PDGFD: variants seen among roughly 807,000 people sequenced by gnomAD.
PDGFD encodes platelet derived growth factor D.
Under a neutral mutation model 44.7 loss-of-function variants are expected in PDGFD, and 30 were observed. The observed-to-expected ratio is 0.67, with a 90% confidence interval of 0.50 to 0.91. The LOEUF is 0.91. Ranked by LOEUF, PDGFD falls within the 40% of genes least tolerant of loss-of-function variation. PDGFD has a pLI of 0.00. For synonymous variants in PDGFD, 173 were observed against 168.4 expected (o/e 1.03, Z -0.21); for missense variants, 445 against 457.8 (o/e 0.97, Z 0.25).
At chr11:104,128,042 G>A (rs1861863849) in intron 1 of PDGFD, among the ~76,000 whole-genome samples, 1 of 152,096 alleles carries the variant, frequency 6.6e-6, no homozygotes, top group Non-Finnish European at 1.5e-5. Flanking sequence ...TAATCCAGAA[G>A]AATTAGCACA....
chr11:104,014,904 T>C (rs1284309236), intron 1 of PDGFD, among the ~76,000 whole-genome samples: 2 of 152,210 alleles, frequency 1.3e-5, no homozygotes, highest in African/African-American at 4.8e-5. Flanking sequence ...TCTATCAGCA[T>C]TTATTGAGAT....
chr11:104,116,061 T>C (rs538487218), intron 1 of PDGFD, among the ~76,000 whole-genome samples: 3 of 152,148 alleles, frequency 2.0e-5, no homozygotes, highest in Non-Finnish European at 4.4e-5. Flanking sequence ...CTTATCTTTG[T>C]TTTTATTGCA....
intron 5 of PDGFD, among the ~76,000 whole-genome samples, chr11:103,929,227 C>G (rs942761085): frequency 2.0e-5 from 3 of 152,098 alleles, no homozygotes; most frequent in Admixed American, 1.3e-4. Flanking sequence ...GAAGCCTTTC[C>G]CCCTTTTGCT....
chr11:104,119,390 A>ATAT (rs568608985), intron 1 of PDGFD, among the ~76,000 whole-genome samples: 109 of 1,372 alleles, frequency 0.079, 41 homozygotes, highest in East Asian at 0.29. Context: ...AATATATAAT[A>ATAT]TGATATAATA....
At chr11:103,932,407 G>A (rs184544074) in intron 5 of PDGFD, among the ~76,000 whole-genome samples, 109 of 152,272 alleles carry the variant, frequency 7.2e-4, no homozygotes, top group African/African-American at 2.6e-3. Flanking sequence ...TAGCTACGAA[G>A]TTCAGTAGGC....
At chr11:104,012,046 A>G (rs1165876750) in intron 1 of PDGFD, among the ~76,000 whole-genome samples, 1 of 152,184 alleles carries the variant, frequency 6.6e-6, no homozygotes, top group East Asian at 1.9e-4. Context: ...CCTATGAAAG[A>G]TTAATGCAAA....
At chr11:103,958,149 A>G (rs1458154482) in intron 3 of PDGFD, among the ~76,000 whole-genome samples, 2 of 152,148 alleles carry the variant, frequency 1.3e-5, no homozygotes, top group Non-Finnish European at 1.5e-5. Flanking sequence ...CTTTCCATAA[A>G]TTATCTCATT....
At chr11:104,077,227 G>C (rs1318145569) in intron 1 of PDGFD, among the ~76,000 whole-genome samples, 1 of 148,476 alleles carries the variant, frequency 6.7e-6, no homozygotes, top group Non-Finnish European at 1.5e-5. Flanking sequence ...ATGTGAAAAA[G>C]CACTCACAAT....
intron 1 of PDGFD, chr11:104,037,276 T>C: frequency 6.2e-7 from 1 of 1,613,402 alleles, no homozygotes. Flanking sequence ...CATGCTGCTC[T>C]CCAACCCCCA....
intron 1 of PDGFD, chr11:104,037,192 C>G (rs865913257): frequency 1.2e-6 from 2 of 1,613,472 alleles, no homozygotes; most frequent in Non-Finnish European, 8.5e-7. Flanking sequence ...CGCTGCCCAG[C>G]GGTCACAGGG....
chr11:104,014,460 C>T (rs759875667), intron 1 of PDGFD, among the ~76,000 whole-genome samples: 75 of 152,318 alleles, frequency 4.9e-4, no homozygotes, highest in Non-Finnish European at 8.5e-4. Context: ...TACACCACTG[C>T]ACTCTAGCTT....
chr11:104,136,626 T>A (rs1226194395), intron 1 of PDGFD, among the ~76,000 whole-genome samples: 1 of 152,208 alleles, frequency 6.6e-6, no homozygotes, highest in African/African-American at 2.4e-5. Flanking sequence ...AAAATAAACA[T>A]TTTATAAATT....
At chr11:103,963,509 G>T (rs895703850) in intron 3 of PDGFD, among the ~76,000 whole-genome samples, 2 of 151,958 alleles carry the variant, frequency 1.3e-5, no homozygotes, top group Admixed American at 1.3e-4. Context: ...AATTATCTAC[G>T]ATATCGTTCG....
At chr11:104,078,406 T>A (rs778900175) in intron 1 of PDGFD, among the ~76,000 whole-genome samples, 2 of 152,124 alleles carry the variant, frequency 1.3e-5, no homozygotes, top group African/African-American at 2.4e-5. Context: ...CTTCTCAGAT[T>A]TATCCTTTTC....
chr11:104,139,340 G>C (rs112677442), intron 1 of PDGFD, among the ~76,000 whole-genome samples: 1 of 152,028 alleles, frequency 6.6e-6, no homozygotes, highest in Non-Finnish European at 1.5e-5. Flanking sequence ...GGCTGCCGGG[G>C]ATATAACTTC....
chr11:104,144,507 C>CAA lies in PDGFD; in HGVS notation c.124+19295_124+19296dup, dbSNP rs201864924. 1.2e-4 allele frequency among the ~76,000 whole-genome samples: 9 copies of CAA among 73,794 alleles called. No homozygotes were observed. The South Asian group carries it at 1.5e-3, about 12-fold the overall frequency. The allele number at this position is 73,794 out of a possible 152,430, so 48.4% of individuals were successfully genotyped here. ...GGCAATAAGAGCAAAACTCCGTCAC[C>CAA]AAAAAAAAAAAAAAAAAAAAACCCA... On this transcript the variant is annotated intron_variant, in intron 1 of 6. Transcript: ENST00000393158.
chr11:104,087,798 A>T (rs2134434631), intron 1 of PDGFD, among the ~76,000 whole-genome samples: 1 of 152,304 alleles, frequency 6.6e-6, no homozygotes, highest in Non-Finnish European at 1.5e-5. Context: ...CAAGCAGATA[A>T]GTGTTAATTA....
intron 1 of PDGFD, chr11:104,038,222 A>G: frequency 3.5e-6 from 2 of 566,554 alleles, no homozygotes; most frequent in Non-Finnish European, 6.3e-6. Context: ...GATCACTGAA[A>G]GGCATCCTGG....
At chr11:104,133,709 CTA>C (rs1861957393) in intron 1 of PDGFD, among the ~76,000 whole-genome samples, 1 of 152,168 alleles carries the variant, frequency 6.6e-6, no homozygotes, top group African/African-American at 2.4e-5. Context: ...TGAAATGCTG[CTA>C]TGTGTCATAT....
Sources: gnomAD v4.1 joint callset for allele counts (sites outside exome capture counted in the v4.1 genomes callset) on GRCh38, gnomAD v4.1.1 for gene constraint, MANE v1.5 for transcripts, NCBI Gene and HGNC (gene_info 2026-07-23, HGNC 2026-07-21) for gene names.